Variants in ANGPTL5 observed in about 807,000 individuals in gnomAD.
ANGPTL5 encodes the protein angiopoietin-related protein 5.
In ANGPTL5, 34 loss-of-function variants were observed where a neutral mutation model predicts 39.4. The observed-to-expected ratio is 0.86, with a 90% CI of 0.66 to 1.15. The LOEUF (loss-of-function observed/expected upper bound fraction) is 1.15. Ranked by LOEUF, ANGPTL5 falls within the 50% of genes most tolerant of loss-of-function variation. The pLI is 0.00. For missense variants in ANGPTL5, 467 were observed against 457.5 expected (o/e 1.02, Z -0.19); for synonymous variants, 146 against 152.1 (o/e 0.96, Z 0.29).
intron 1 of ANGPTL5, chr11:101,915,167 C>T (rs1940173152): frequency 4.7e-6 from 7 of 1,474,892 alleles, no homozygotes; most frequent in East Asian, 4.6e-5. Flanking sequence ...CTTCCGCGCC[C>T]GTGACGCGGG....
intron 4 of ANGPTL5, among the ~76,000 whole-genome samples, 186 bp downstream of exon 4, chr11:101,905,558 C>G (rs1939984180): frequency 1.3e-5 from 2 of 152,274 alleles, no homozygotes; most frequent in South Asian, 4.1e-4. Flanking sequence ...CTAGACCATA[C>G]CCCTTGAATT....
At chr11:101,915,503 G>A (rs920387204) in intron 1 of ANGPTL5, 21 of 1,488,302 alleles carry the variant, frequency 1.4e-5, no homozygotes, top group Non-Finnish European at 1.8e-5. Context: ...TTTGACGCAG[G>A]GTGATCAAAA....
At position 101,909,450 on chromosome 11, in the gene ANGPTL5, T is replaced by C. The variant is rs376026343; in HGVS notation, c.-92-1449A>G. Reference sequence around the variant, plus strand: ...AAATTGTTGTATGGATTAAAAGATATGTAACATTGCGGACAATATTGATGA... The same window carrying C: ...AAATTGTTGTATGGATTAAAAGATACGTAACATTGCGGACAATATTGATGA... On this transcript the variant is annotated intron_variant, in intron 1 of 8. Transcript: ENST00000334289. Among the ~76,000 whole-genome samples, 36 of 152,364 alleles carry C rather than the reference T, an allele frequency of 2.4e-4. No individual in the cohort carries two copies. The South Asian group carries it at 6.8e-3, about 29-fold the overall frequency.
rs1373189352 is a variant in ANGPTL5, at chr11:101,891,271, A to C, written c.*8T>G. ...ATTGTAGAACTTGCATTACAATGTT[A>C]AATGAGATTATTTAAAATATGGATT... On this transcript the variant is annotated 3_prime_UTR_variant, in exon 9 of 9. Coordinates refer to ENST00000334289, the MANE Select transcript of ANGPTL5 (RefSeq NM_178127.5). 3.8e-6 allele frequency: 6 copies of C among 1,593,392 alleles called. No homozygotes were observed. The highest frequency in any genetic ancestry group is 2.2e-5 in the East Asian group (1 of 44,722).
At chr11:101,913,763 A>T (rs901577894) in intron 1 of ANGPTL5, among the ~76,000 whole-genome samples, 6 of 152,192 alleles carry the variant, frequency 3.9e-5, no homozygotes, top group Non-Finnish European at 8.8e-5. Context: ...TCTCATATTC[A>T]TCTGTACTTT....
At chr11:101,915,388 G>A (rs1940183981) in intron 1 of ANGPTL5, 5 of 1,613,382 alleles carry the variant, frequency 3.1e-6, no homozygotes, top group Non-Finnish European at 3.4e-6. Context: ...GAGAGCGGCG[G>A]GCATCACCGA....
At position 101,902,687 on chromosome 11, in the gene ANGPTL5, G is replaced by T; in HGVS notation, c.474C>A (p.Gly158=). The T allele has an allele frequency of 6.2e-7, 1 of 1,611,448 alleles. No individual in the cohort carries two copies. Among genetic ancestry groups the T allele is most frequent in the Non-Finnish European group, 8.5e-7 (1 of 1,178,160 alleles). The part of the protein sequence containing the change: ...LDCTDIKDTI[G]SVTKTPSGLY... ...AACCACTCGGTGTTTTGGTGACAGA[G>T]CCAATGGTATCCTTAATATCAGTGC... The change falls in exon 6 of 9, where the codon GGC becomes GGA. Residue 158 remains glycine, a synonymous_variant. Transcript: ENST00000334289.
chr11:101,896,918 G>C (rs1939807587), intron 7 of ANGPTL5, among the ~76,000 whole-genome samples: 1 of 152,146 alleles, frequency 6.6e-6, no homozygotes, highest in Non-Finnish European at 1.5e-5. Flanking sequence ...CTAGATCCTT[G>C]AGGAATCACC....
At position 101,908,408 on chromosome 11, in the gene ANGPTL5, A is replaced by G. The variant is rs138675400; in HGVS notation, c.-92-407T>C. Among the ~76,000 whole-genome samples the G allele has an allele frequency of 4.9e-3, 743 of 152,340 alleles. 7 individuals carry two copies. The highest frequency in any genetic ancestry group is 0.017 in the African/African-American group (717 of 41,592). ...AAAATATTACCTTGGAACTATTTCT[A>G]TAAAATGCTAAGTAGAAATTTGATC... On this transcript the variant is annotated intron_variant, in intron 1 of 8. Transcript: ENST00000334289.
intron 7 of ANGPTL5, 40 bp from the exon 8 acceptor site, chr11:101,895,104 A>G: frequency 2.2e-6 from 3 of 1,369,074 alleles, no homozygotes; most frequent in Non-Finnish European, 3.0e-6. Flanking sequence ...TTTTAATACA[A>G]ATTAGAATAA....
At position 101,900,932 on chromosome 11, in the gene ANGPTL5, A is replaced by G. The variant is rs892469347; in HGVS notation, c.541-382T>C. On this transcript the variant is annotated intron_variant, in intron 6 of 8. Coordinates refer to ENST00000334289, the MANE Select transcript of ANGPTL5 (RefSeq NM_178127.5). ...AGTGGCGCGATCCCGGCTCACTGCA[A>G]GCTCCGCCTCCCGGGTTCACGCCAT... 4.8e-4 allele frequency among the ~76,000 whole-genome samples: 73 copies of G among 151,334 alleles called. 1 individual carries two copies. The highest frequency in any genetic ancestry group is 1.2e-4 in the Non-Finnish European group (8 of 67,902).
At chr11:101,897,870 A>T (rs1939827403) in intron 7 of ANGPTL5, among the ~76,000 whole-genome samples, 3 of 152,104 alleles carry the variant, frequency 2.0e-5, no homozygotes, top group Admixed American at 2.0e-4. Flanking sequence ...AATTTAAAGT[A>T]GTTTTTTCTA....
intron 3 of ANGPTL5, among the ~76,000 whole-genome samples, chr11:101,906,338 G>C (rs1232908880): frequency 6.6e-6 from 1 of 152,054 alleles, no homozygotes; most frequent in African/African-American, 2.4e-5. Flanking sequence ...CATAATAAAT[G>C]TTAGTCAAAG....
intron 7 of ANGPTL5, among the ~76,000 whole-genome samples, chr11:101,895,519 A>G (rs1939776168): frequency 6.6e-6 from 1 of 152,232 alleles, no homozygotes; most frequent in African/African-American, 2.4e-5. Flanking sequence ...CGGTTCCTGA[A>G]GAAAAATTTC....
Position 101,902,734 on chromosome 11 carries a change from AATT to A in ANGPTL5, c.440-16_440-14del. 1 of 1,502,822 alleles carries A rather than the reference AATT, an allele frequency of 6.7e-7. No homozygotes were observed. The highest frequency in any genetic ancestry group is 9.2e-7 in the Non-Finnish European group (1 of 1,081,338). The allele number at this position is 1,502,822 out of a possible 1,614,324, so 93.1% of individuals were successfully genotyped here. A position where few individuals can be genotyped will look rare whatever the true frequency, so the allele number is the denominator to read the frequency against. ...GTGCAATCTAAACCTAGAAAAGCAA[AATT>A]ATTTAATTGGGATATTTTCAAATGT... On this transcript the variant is annotated splice_polypyrimidine_tract_variant and intron_variant, in intron 5 of 8. Coordinates refer to ENST00000334289, the MANE Select transcript of ANGPTL5 (RefSeq NM_178127.5).
In ANGPTL5 at chr11:101,910,139, G is replaced by A. The variant is rs934707118; in HGVS notation, c.-92-2138C>T. Among the ~76,000 whole-genome samples, 11 of 152,138 alleles carry A rather than the reference G, an allele frequency of 7.2e-5. No homozygotes were observed. In the East Asian group the frequency reaches 1.4e-3, roughly 19 times the overall value. ...TAAAAATAATATTCAGGCTGGGCGCGGTGGCTCACGCCTGTAATCCCAGCA... is the reference window on the plus strand; with the variant it reads ...TAAAAATAATATTCAGGCTGGGCGCAGTGGCTCACGCCTGTAATCCCAGCA... On this transcript the variant is annotated intron_variant, in intron 1 of 8. Coordinates refer to ENST00000334289, the MANE Select transcript of ANGPTL5 (RefSeq NM_178127.5).
chr11:101,904,982 G>T, intron 4 of ANGPTL5, 75 bp from the exon 5 acceptor site: 2 of 1,119,074 alleles, frequency 1.8e-6, no homozygotes, highest in Non-Finnish European at 2.7e-6. Flanking sequence ...CATAAACCCA[G>T]CTCTGAAATA....
At chr11:101,911,068 GT>G (rs989557442) in intron 1 of ANGPTL5, among the ~76,000 whole-genome samples, 1 of 104,904 alleles carries the variant, frequency 9.5e-6, no homozygotes, top group African/African-American at 3.5e-5. Context: ...TTATTATATG[GT>G]TTGGACCTGC....
At chr11:101,908,773 T>C in intron 1 of ANGPTL5, among the ~76,000 whole-genome samples, 1 of 125,716 alleles carries the variant, frequency 8.0e-6, no homozygotes, top group African/African-American at 3.3e-5. Flanking sequence ...AGAGTGAGAC[T>C]CCATCTCAAA....
Sources: gnomAD v4.1 joint callset for allele counts (sites outside exome capture counted in the v4.1 genomes callset) on GRCh38, gnomAD v4.1.1 for gene constraint, MANE v1.5 for transcripts, NCBI Gene and HGNC (gene_info 2026-07-23, HGNC 2026-07-21) for gene names.